Variants in SF3B1 observed in about 807,000 individuals in gnomAD.
SF3B1 encodes splicing factor 3b subunit 1.
SF3B1 carries 12 observed loss-of-function variants against 153.8 expected under a neutral mutation model. The observed-to-expected ratio is 0.08, with a 90% confidence interval of 0.05 to 0.13. The LOEUF (loss-of-function observed/expected upper bound fraction) is 0.13, where lower values mean the gene tolerates loss of function less well. Ranked by LOEUF, SF3B1 falls within the 10% of genes least tolerant of loss-of-function variation. The pLI is 1.00. For synonymous variants in SF3B1, 498 were observed against 525.2 expected (o/e 0.95, Z 0.71); for missense variants, 513 against 1,606.1 (o/e 0.32, Z 11.63).
At position 197,395,861 on chromosome 2, in the gene SF3B1, A is replaced by T. The variant is rs555092041; in HGVS notation, c.3539+195T>A. ...TAAAGGGGATGGGAGAACTTGAAAGAAAGTCTGGGGAATCACTACAGCGTG... is the reference window on the plus strand; with the variant it reads ...TAAAGGGGATGGGAGAACTTGAAAGTAAGTCTGGGGAATCACTACAGCGTG... On this transcript the variant is annotated intron_variant, in intron 23 of 24. Transcript: ENST00000335508. 9.8e-5 allele frequency among the ~76,000 whole-genome samples: 15 copies of T among 152,332 alleles called. No homozygotes were observed. In the South Asian group the frequency reaches 2.1e-3, roughly 21 times the overall value.
chr2:197,427,003 T>C (rs1286708382), intron 1 of SF3B1, among the ~76,000 whole-genome samples: 2 of 152,202 alleles, frequency 1.3e-5, no homozygotes, highest in African/African-American at 2.4e-5. Context: ...CAGCAACTAG[T>C]TTCTCATTTG....
chr2:197,420,168 A>G, intron 4 of SF3B1: 1 of 388,272 alleles, frequency 2.6e-6, no homozygotes, highest in Non-Finnish European at 4.7e-6. Context: ...AACAAAAGTA[A>G]AAGTAAAACC....
In SF3B1 at chr2:197,392,265, G is replaced by T. The variant is rs765805351; in HGVS notation, c.*38C>A. The T allele has an allele frequency of 4.7e-6, 4 of 848,962 alleles. No individual in the cohort carries two copies. In the Admixed American group the frequency reaches 7.7e-5, roughly 16 times the overall value. 52.6% of individuals were successfully genotyped at this position (848,962 alleles called of 1,614,324 possible). A position where few individuals can be genotyped will look rare whatever the true frequency, so the allele number is the denominator to read the frequency against. Reference sequence around the variant, plus strand: ...CCAAATCAAAGCAAGTTTAAGGTGTGAAGTAGCTGTGCATTAAACACAAAA... The same window carrying T: ...CCAAATCAAAGCAAGTTTAAGGTGTTAAGTAGCTGTGCATTAAACACAAAA... On this transcript the variant is annotated 3_prime_UTR_variant, in exon 25 of 25. Coordinates refer to ENST00000335508, the MANE Select transcript of SF3B1 (RefSeq NM_012433.4).
Position 197,398,478 on chromosome 2 carries a change from A to C in SF3B1, c.3117T>G (p.Val1039=), listed in dbSNP as rs747557865. 1.2e-6 allele frequency: 2 copies of C among 1,613,846 alleles called. No homozygotes were observed. The highest frequency in any genetic ancestry group is 1.7e-6 in the Non-Finnish European group (2 of 1,179,826). Residue 1039 remains valine (V), a synonymous_variant, in exon 21 of 25, where the codon GTT becomes GTG. Coordinates refer to ENST00000335508, the MANE Select transcript of SF3B1 (RefSeq NM_012433.4). ...EKVQENCIDL[V]GRIADRGAEY... is the part of the protein sequence containing the mutation. Reference sequence around the variant, plus strand: ...CTGCTTACCTGTCAGCAATACGACCAACAAGATCAATACAATTCTCTTGTA... The same window carrying C: ...CTGCTTACCTGTCAGCAATACGACCCACAAGATCAATACAATTCTCTTGTA...
chr2:197,421,020 A>G lies in SF3B1; in HGVS notation c.300+9T>C, dbSNP rs372689307. 1 of 1,541,072 alleles carries G rather than the reference A, an allele frequency of 6.5e-7. No individual in the cohort carries two copies. On this transcript the variant is annotated intron_variant, in intron 3 of 24. Coordinates refer to ENST00000335508, the MANE Select transcript of SF3B1 (RefSeq NM_012433.4). ...CTGAATAAACTATGCTTTTAAAATG[A>G]AAGATCACCTGTTCTGTTGACTGTG...
At chr2:197,413,847 G>A (rs55658871) in intron 6 of SF3B1, among the ~76,000 whole-genome samples, 65,581 of 151,356 alleles carry the variant, frequency 0.43, 14,665 homozygotes, top group South Asian at 0.59. Context: ...TCGCTGTGTC[G>A]CAAGACTGAA....
intron 20 of SF3B1, among the ~76,000 whole-genome samples, chr2:197,399,578 C>T (rs1159709870): frequency 2.0e-5 from 3 of 152,026 alleles, no homozygotes; most frequent in Admixed American, 6.6e-5. Flanking sequence ...TAAATAAAGA[C>T]AATAATTTGA....
chr2:197,417,025 A>C, intron 5 of SF3B1, 114 bp from the exon 6 acceptor site: 1 of 1,004,516 alleles, frequency 1.0e-6, no homozygotes, highest in Non-Finnish European at 1.5e-6. Flanking sequence ...TCTCTTTTCT[A>C]TGTACTGGTG....
intron 1 of SF3B1, among the ~76,000 whole-genome samples, chr2:197,431,820 T>TA (rs2106026920): frequency 6.6e-6 from 1 of 152,240 alleles, no homozygotes; most frequent in East Asian, 1.9e-4. Context: ...CCTAAATGAT[T>TA]AATTCTATTA....
chr2:197,399,465 C>T (rs1413054790), intron 20 of SF3B1, among the ~76,000 whole-genome samples: 1 of 151,838 alleles, frequency 6.6e-6, no homozygotes, highest in Non-Finnish European at 1.5e-5. Context: ...TTCATACTGC[C>T]CTAATGGAAT....
chr2:197,408,677 T>G, intron 7 of SF3B1, 96 bp from the exon 8 acceptor site: 1 of 839,100 alleles, frequency 1.2e-6, no homozygotes, highest in Non-Finnish European at 1.9e-6. Flanking sequence ...TATCAAGTTC[T>G]AAAATAGAAT....
At chr2:197,418,656 A>C in intron 4 of SF3B1, 68 bp from the exon 5 acceptor site, 1 of 1,565,462 alleles carries the variant, frequency 6.4e-7, no homozygotes, top group Non-Finnish European at 8.7e-7. Context: ...CAACTGATTT[A>C]TCTGCCCTGC....
At chr2:197,417,284 A>G (rs1280216393) in intron 5 of SF3B1, among the ~76,000 whole-genome samples, 3 of 152,222 alleles carry the variant, frequency 2.0e-5, no homozygotes, top group East Asian at 1.9e-4. Flanking sequence ...AAAAATGGTA[A>G]AAGATAAAAA....
chr2:197,422,405 A>G (rs560226315), intron 2 of SF3B1, among the ~76,000 whole-genome samples: 1 of 143,292 alleles, frequency 7.0e-6, no homozygotes, highest in African/African-American at 2.5e-5. Flanking sequence ...GGGGCTTGTC[A>G]TGGGGTGGGG....
At chr2:197,428,838 T>A (rs2085377375) in intron 1 of SF3B1, among the ~76,000 whole-genome samples, 1 of 152,028 alleles carries the variant, frequency 6.6e-6, no homozygotes, top group Non-Finnish European at 1.5e-5. Flanking sequence ...GAGGTTGCAG[T>A]GAGCCGAGAT....
intron 6 of SF3B1, 92 bp downstream of exon 6, chr2:197,416,649 G>T: frequency 9.3e-7 from 1 of 1,079,530 alleles, no homozygotes; most frequent in South Asian, 1.7e-5. Flanking sequence ...CCCAGTCTGT[G>T]GTATCTTGCT....
rs2084934640 is a variant in SF3B1 at position 197,401,287 on chromosome 2, C to G, written c.2496+113G>C. ...ATCCATCTCCTTTCATAATCAAGCA[C>G]ATATAAACTGTGAGATAATCAAGGC... is the stretch of plus-strand genomic sequence containing the variant. On this transcript the variant is annotated intron_variant, in intron 17 of 24. Coordinates refer to ENST00000335508, the MANE Select transcript of SF3B1 (RefSeq NM_012433.4). This position sits in a 1 kb window ranked among gnomAD's most constrained non-coding sequence, Gnocchi z 4.2. 1.1e-6 allele frequency: 1 copy of G among 945,964 alleles called. No individual in the cohort carries two copies. The highest frequency in any genetic ancestry group is 1.6e-6 in the Non-Finnish European group (1 of 620,250). 58.6% of individuals were successfully genotyped at this position (945,964 alleles called of 1,614,324 possible).
chr2:197,421,806 T>C (rs1178547761), intron 2 of SF3B1, among the ~76,000 whole-genome samples: 1 of 152,044 alleles, frequency 6.6e-6, no homozygotes, highest in Non-Finnish European at 1.5e-5. Flanking sequence ...GGTGAAACTC[T>C]GTCTCTACCA....
At chr2:197,419,356 A>G (rs2085205307) in intron 4 of SF3B1, 2 of 255,658 alleles carry the variant, frequency 7.8e-6, no homozygotes. Flanking sequence ...AAACTTCAAA[A>G]TATCTTACAG....
Sources: gnomAD v4.1 joint callset for allele counts (sites outside exome capture counted in the v4.1 genomes callset) on GRCh38, gnomAD v4.1.1 for gene constraint, Gnocchi (gnomAD v3.1) non-coding constraint, MANE v1.5 for transcripts, NCBI Gene and HGNC (gene_info 2026-07-23, HGNC 2026-07-21) for gene names.